Variants in UNC5C observed in about 807,000 individuals in gnomAD.
UNC5C encodes the protein unc-5 netrin receptor C, also known as netrin receptor UNC5C.
UNC5C carries 47 observed loss-of-function variants against 99.8 expected under a neutral mutation model. The ratio of observed to expected loss-of-function variants is 0.47; its 90% confidence interval spans 0.37 to 0.60. The LOEUF (loss-of-function observed/expected upper bound fraction) is 0.60. Among genes scored for constraint, UNC5C ranks in the 20% least tolerant of loss-of-function variants. The pLI is 0.00. For missense variants in UNC5C, 1,062 were observed against 1,165.9 expected (o/e 0.91, Z 1.30); for synonymous variants, 487 against 452.2 (o/e 1.08, Z -0.98).
intron 2 of UNC5C, among the ~76,000 whole-genome samples, chr4:95,330,073 G>C (rs1486168030): frequency 6.6e-6 from 1 of 151,938 alleles, no homozygotes; most frequent in African/African-American, 2.4e-5. Context: ...TTTCCTCACT[G>C]GTTGAAAAAC....
intron 1 of UNC5C, among the ~76,000 whole-genome samples, chr4:95,490,585 A>G (rs1721455489): frequency 6.6e-6 from 1 of 151,746 alleles, no homozygotes; most frequent in Non-Finnish European, 1.5e-5. Context: ...ATATTACTAA[A>G]AGATCAGCAT....
chr4:95,245,491 A>C (rs2149379832), intron 5 of UNC5C, among the ~76,000 whole-genome samples: 1 of 152,330 alleles, frequency 6.6e-6, no homozygotes, highest in East Asian at 1.9e-4. Flanking sequence ...CAAATAATAA[A>C]TGTTTACATC....
rs202026438 is a variant in UNC5C, at chr4:95,170,143, A to G, written c.2630+11T>C. ...AGAAAGAAGCTAGTCTTGGGGCCAGACCATACCCACCTGTCCAGGTTCAGC... is the reference window on the plus strand; with the variant it reads ...AGAAAGAAGCTAGTCTTGGGGCCAGGCCATACCCACCTGTCCAGGTTCAGC... On this transcript the variant is annotated intron_variant, in intron 15 of 15. Coordinates refer to ENST00000453304, the MANE Select transcript of UNC5C (RefSeq NM_003728.4). 22 of 1,612,618 alleles carry G rather than the reference A, an allele frequency of 1.4e-5. No individual in the cohort carries two copies. Among genetic ancestry groups the G allele is most frequent in the Non-Finnish European group, 1.6e-5 (19 of 1,178,862 alleles).
intron 4 of UNC5C, among the ~76,000 whole-genome samples, chr4:95,255,643 C>T (rs1393797077): frequency 6.6e-6 from 1 of 151,002 alleles, no homozygotes; most frequent in East Asian, 1.9e-4. Flanking sequence ...TACTCCGTAT[C>T]TTAGTCTCGC....
Position 95,174,536 on chromosome 4 carries a change from T to C in UNC5C, c.2452-4204A>G, listed in dbSNP as rs972951179. Reference sequence around the variant, plus strand: ...ATTCAGGAGCAGGTTGTTCAGTTTCTATGTAGTTGAGCGGTTTTGAGTGAG... The same window carrying C: ...ATTCAGGAGCAGGTTGTTCAGTTTCCATGTAGTTGAGCGGTTTTGAGTGAG... On this transcript the variant is annotated intron_variant, in intron 14 of 15. Transcript: ENST00000453304. Among the ~76,000 whole-genome samples the C allele has an allele frequency of 2.3e-3, 357 of 152,294 alleles. 3 individuals are homozygous for C. The highest frequency in any genetic ancestry group is 8.2e-3 in the African/African-American group (340 of 41,544).
At chr4:95,302,902 T>C (rs1435561008) in intron 2 of UNC5C, among the ~76,000 whole-genome samples, 1 of 152,210 alleles carries the variant, frequency 6.6e-6, no homozygotes, top group Non-Finnish European at 1.5e-5. Context: ...ATACAACTTA[T>C]TATTTAGGTT....
At chr4:95,545,667 T>G (rs1723038046) in intron 1 of UNC5C, among the ~76,000 whole-genome samples, 1 of 151,888 alleles carries the variant, frequency 6.6e-6, no homozygotes, top group Admixed American at 6.6e-5. Flanking sequence ...TAGTTGGAGC[T>G]AGATAAGCAG....
intron 1 of UNC5C, among the ~76,000 whole-genome samples, chr4:95,385,045 G>A (rs1745175327): frequency 6.6e-6 from 1 of 152,040 alleles, no homozygotes; most frequent in African/African-American, 2.4e-5. Flanking sequence ...GTCTGGAGCT[G>A]ATTTGGAAGT....
intron 1 of UNC5C, among the ~76,000 whole-genome samples, chr4:95,351,558 G>A (rs1743991697): frequency 6.6e-6 from 1 of 152,068 alleles, no homozygotes; most frequent in Admixed American, 6.6e-5. Flanking sequence ...AGTGGCTCAT[G>A]CCTGTAATCC....
chr4:95,169,212 A>G lies in UNC5C; in HGVS notation c.*22T>C. 1 of 1,611,670 alleles carries G rather than the reference A, an allele frequency of 6.2e-7. No individual in the cohort carries two copies. Among genetic ancestry groups the G allele is most frequent in the Non-Finnish European group, 8.5e-7 (1 of 1,178,316 alleles). On this transcript the variant is annotated 3_prime_UTR_variant, in exon 16 of 16. Coordinates refer to ENST00000453304, the MANE Select transcript of UNC5C (RefSeq NM_003728.4). The stretch of plus-strand genomic sequence containing the variant: ...GACTCCCTGTGCATTTTTGTCCTTC[A>G]TTTCCCCTTCCAGCATGGTGGTTAA...
chr4:95,232,727 G>A (rs754574729), intron 7 of UNC5C, among the ~76,000 whole-genome samples: 1 of 152,126 alleles, frequency 6.6e-6, no homozygotes, highest in Non-Finnish European at 1.5e-5. Context: ...TCAAAACCAG[G>A]AAAATGTTTT....
chr4:95,480,749 GA>G (rs1288600192), intron 1 of UNC5C, among the ~76,000 whole-genome samples: 13 of 151,692 alleles, frequency 8.6e-5, no homozygotes, highest in Admixed American at 2.6e-4. Context: ...CAAAACAAAA[GA>G]AAAAAACCAC....
In UNC5C at chr4:95,264,907, A is replaced by G. The variant is rs188343246; in HGVS notation, c.594+13352T>C. 3.8e-3 allele frequency among the ~76,000 whole-genome samples: 585 copies of G among 152,216 alleles called. 2 individuals are homozygous for G. The highest frequency in any genetic ancestry group is 6.4e-3 in the South Asian group (31 of 4,814). ...GCAAACCTCTTTCACTGGTCCTTTT[A>G]TAACATCCAGCATTTTCATATAGTC... On this transcript the variant is annotated intron_variant, in intron 4 of 15. Transcript: ENST00000453304.
intron 5 of UNC5C, among the ~76,000 whole-genome samples, chr4:95,245,817 T>C (rs1739484611): frequency 6.6e-6 from 1 of 152,236 alleles, no homozygotes; most frequent in Non-Finnish European, 1.5e-5. Context: ...ACCGTAAGAC[T>C]GCACACTATT....
chr4:95,545,770 GCGCACA>G (rs1009052086), intron 1 of UNC5C, among the ~76,000 whole-genome samples: 4 of 130,510 alleles, frequency 3.1e-5, no homozygotes, highest in African/African-American at 9.9e-5. Context: ...ACGCGCGCGC[GCGCACA>G]CACACACACA....
chr4:95,520,026 A>C (rs115747162), intron 1 of UNC5C, among the ~76,000 whole-genome samples: 2,553 of 152,256 alleles, frequency 0.017, 69 homozygotes, highest in African/African-American at 0.059. Flanking sequence ...GCTTTCCGCT[A>C]AGAGGAAGTA....
chr4:95,192,901 C>T (rs1172167796), intron 12 of UNC5C, among the ~76,000 whole-genome samples: 1 of 152,208 alleles, frequency 6.6e-6, no homozygotes, highest in Non-Finnish European at 1.5e-5. Context: ...TTCTTTCTCT[C>T]CCTCTCTGCC....
intron 1 of UNC5C, among the ~76,000 whole-genome samples, chr4:95,428,126 C>G (rs1000335588): frequency 6.6e-6 from 1 of 150,886 alleles, no homozygotes; most frequent in Non-Finnish European, 1.5e-5. Flanking sequence ...CTCAAGCTTG[C>G]TAATTTTATC....
intron 1 of UNC5C, among the ~76,000 whole-genome samples, chr4:95,462,727 T>C (rs1747642075): frequency 6.6e-6 from 1 of 152,190 alleles, no homozygotes; most frequent in South Asian, 2.1e-4. Flanking sequence ...AAACAACATA[T>C]GCAGATTACT....
Sources: allele counts gnomAD v4.1 joint callset (sites outside exome capture counted in the v4.1 genomes callset), GRCh38; gene constraint gnomAD v4.1.1; transcripts MANE v1.5; gene names NCBI Gene and HGNC (gene_info 2026-07-23, HGNC 2026-07-21).